Variants in EDN1 observed in about 807,000 individuals in gnomAD.
EDN1 encodes the protein endothelin 1, also known as endothelin-1.
EDN1 carries 11 observed loss-of-function variants against 21.7 expected under a neutral mutation model. The ratio of observed to expected loss-of-function variants is 0.51; its 90% CI spans 0.32 to 0.84. The LOEUF is 0.84. Among genes scored for constraint, EDN1 ranks in the 40% least tolerant of loss-of-function variants. The probability of loss-of-function intolerance (pLI) is 0.03; values close to 1 mark genes in which losing one functional copy is unlikely to be tolerated. For missense variants in EDN1, 244 were observed against 262.3 expected, an observed-to-expected ratio of 0.93 and a Z score of 0.48; for synonymous variants, 85 against 90.6, an observed-to-expected ratio of 0.94 and a Z score of 0.35.
chr6:12,249,016 G>T, the EDN1 span, among the ~76,000 whole-genome samples: 1 of 152,336 alleles, frequency 6.6e-6, no homozygotes, highest in Middle Eastern at 3.4e-3. Context: ...TAGCACAAAT[G>T]TTGAAGAAGT....
chr6:12,251,085 G>A, the EDN1 span, among the ~76,000 whole-genome samples: 1 of 152,162 alleles, frequency 6.6e-6, no homozygotes, highest in Non-Finnish European at 1.5e-5. Context: ...TACCACCTTA[G>A]CTGCTGTACC....
the EDN1 span, among the ~76,000 whole-genome samples, chr6:12,284,750 A>AG: frequency 1.4e-4 from 18 of 131,512 alleles, no homozygotes; most frequent in Admixed American, 3.0e-4. Context: ...GAAGGAAGGA[A>AG]GAAAGAAAGA....
upstream of EDN1, among the ~76,000 whole-genome samples, chr6:12,286,015 T>C (rs146839095): frequency 2.1e-4 from 32 of 152,328 alleles, no homozygotes; most frequent in African/African-American, 7.0e-4. Context: ...ACATTATTGC[T>C]TAAGATAGTA....
chr6:12,246,786 C>T, the EDN1 span, among the ~76,000 whole-genome samples: 2 of 152,014 alleles, frequency 1.3e-5, no homozygotes, highest in Admixed American at 6.6e-5. Context: ...AGGCCTAAGT[C>T]CCAGTAACAC....
At chr6:12,250,372 A>G in the EDN1 span, among the ~76,000 whole-genome samples, 1 of 152,194 alleles carries the variant, frequency 6.6e-6, no homozygotes, top group Non-Finnish European at 1.5e-5. Flanking sequence ...TGCCACTGGT[A>G]AGAATAGCTA....
chr6:12,259,326 G>T, the EDN1 span, among the ~76,000 whole-genome samples: 1 of 151,476 alleles, frequency 6.6e-6, no homozygotes, highest in Non-Finnish European at 1.5e-5. Flanking sequence ...GCATTCATTA[G>T]CAACCTAAAA....
chr6:12,233,579 A>G, the EDN1 span, among the ~76,000 whole-genome samples: 1 of 152,212 alleles, frequency 6.6e-6, no homozygotes, highest in Non-Finnish European at 1.5e-5. Flanking sequence ...TATTATTATT[A>G]TAATACAGAT....
At chr6:12,284,741 AAGG>A in the EDN1 span, among the ~76,000 whole-genome samples, 7,186 of 112,454 alleles carry the variant, frequency 0.064, 241 homozygotes, top group South Asian at 0.1. Context: ...GGAAGGAAGG[AAGG>A]AAGGAAGAAA....
At chr6:12,293,830 A>G (rs192008746) in intron 2 of EDN1, 111 bp from the exon 3 acceptor site, 79 of 1,232,032 alleles carry the variant, frequency 6.4e-5, no homozygotes, top group Non-Finnish European at 9.0e-5. Context: ...TGATGCTCCC[A>G]AGTGCTATGT....
chr6:12,274,966 CT>C, the EDN1 span, among the ~76,000 whole-genome samples: 1 of 150,774 alleles, frequency 6.6e-6, no homozygotes, highest in African/African-American at 2.5e-5. Flanking sequence ...TCCTTCCTTC[CT>C]TCCTTGCTCC....
upstream of EDN1, among the ~76,000 whole-genome samples, chr6:12,288,578 G>A (rs1480988409): frequency 6.6e-6 from 1 of 152,142 alleles, no homozygotes; most frequent in Non-Finnish European, 1.5e-5. Flanking sequence ...GTGTGGGTGT[G>A]GGTGTGGGAG....
the EDN1 span, among the ~76,000 whole-genome samples, chr6:12,261,551 T>G: frequency 6.6e-6 from 1 of 152,102 alleles, no homozygotes; most frequent in Non-Finnish European, 1.5e-5. Context: ...GGTAAGGATG[T>G]GAAACTGACA....
At chr6:12,259,552 A>C in the EDN1 span, among the ~76,000 whole-genome samples, 1 of 151,938 alleles carries the variant, frequency 6.6e-6, no homozygotes, top group Non-Finnish European at 1.5e-5. Flanking sequence ...TTAGAGCTTA[A>C]ATATCAAAAT....
At chr6:12,231,505 T>C in the EDN1 span, among the ~76,000 whole-genome samples, 1 of 152,212 alleles carries the variant, frequency 6.6e-6, no homozygotes, top group Admixed American at 6.6e-5. Context: ...TTTTTTCTTC[T>C]ACTAAAACTA....
the EDN1 span, among the ~76,000 whole-genome samples, chr6:12,235,408 C>G: frequency 6.6e-6 from 1 of 152,196 alleles, no homozygotes; most frequent in Admixed American, 6.5e-5. Context: ...ATATATGCTT[C>G]TCTGTTTTTC....
At chr6:12,285,499 G>A (rs1197184406), upstream of EDN1, among the ~76,000 whole-genome samples, 3 of 151,958 alleles carry the variant, frequency 2.0e-5, no homozygotes, top group East Asian at 5.8e-4. Flanking sequence ...GCAGTTGATG[G>A]AACTGTGGTG....
chr6:12,248,142 G>C, the EDN1 span, among the ~76,000 whole-genome samples: 1 of 152,032 alleles, frequency 6.6e-6, no homozygotes, highest in Non-Finnish European at 1.5e-5. Context: ...CAAGATCGAG[G>C]GAAAGAAAAG....
chr6:12,234,859 A>G, the EDN1 span, among the ~76,000 whole-genome samples: 6 of 152,200 alleles, frequency 3.9e-5, no homozygotes, highest in Non-Finnish European at 8.8e-5. Context: ...GCTTTTGAGG[A>G]TGGGCCAGAC....
upstream of EDN1, among the ~76,000 whole-genome samples, chr6:12,288,146 T>C (rs1306134325): frequency 6.6e-6 from 1 of 151,640 alleles, no homozygotes; most frequent in Non-Finnish European, 1.5e-5. Context: ...CCTGAGAATA[T>C]TGGGGAGGGC....
Sources: allele counts gnomAD v4.1 joint callset (sites outside exome capture counted in the v4.1 genomes callset), GRCh38; gene constraint gnomAD v4.1.1; transcripts MANE v1.5; gene names NCBI Gene and HGNC (gene_info 2026-07-23, HGNC 2026-07-21).